The following PLEKHG1 variants were observed in gnomAD, a reference collection of about 807,000 sequenced individuals.
PLEKHG1 encodes the protein pleckstrin homology domain-containing family G member 1.
PLEKHG1 carries 44 observed loss-of-function variants against 100.8 expected under a neutral mutation model. The observed-to-expected ratio is 0.44, with a 90% CI of 0.34 to 0.56. The LOEUF is 0.56. Among genes scored for constraint, PLEKHG1 ranks in the 20% least tolerant of loss-of-function variants. The pLI, the probability that PLEKHG1 is intolerant of heterozygous loss-of-function variation, is 0.01. For synonymous variants in PLEKHG1, 640 were observed against 662.5 expected, an observed-to-expected ratio of 0.97 and a Z score of 0.52; for missense variants, 1,545 against 1,720.9, an observed-to-expected ratio of 0.90 and a Z score of 1.81.
At chr6:150,720,596 C>T (rs1781624748), upstream of PLEKHG1, among the ~76,000 whole-genome samples, 1 of 152,176 alleles carries the variant, frequency 6.6e-6, no homozygotes, top group Admixed American at 6.6e-5. Context: ...CTGCCTTCCA[C>T]TGGCTGTTAT....
intron 1 of PLEKHG1, among the ~76,000 whole-genome samples, chr6:150,609,613 T>C (rs753903383): frequency 1.3e-5 from 2 of 152,140 alleles, no homozygotes; most frequent in Non-Finnish European, 2.9e-5. Flanking sequence ...AGCTTGGCAG[T>C]GTGATGCAAA....
rs534827279 is a variant in PLEKHG1, at chr6:150,800,097, T to A, written c.630-622T>A. Among the ~76,000 whole-genome samples, 3 of 152,282 alleles carry A rather than the reference T, an allele frequency of 2.0e-5. No homozygotes were observed. In the South Asian group the frequency reaches 6.2e-4, roughly 32 times the overall value. ...CTATCTGGCTTTCCCAGAAGCTGTA[T>A]CACTTATAAGGTTAACAATTTGGAG... On this transcript the variant is annotated intron_variant, in intron 5 of 15. Coordinates refer to ENST00000358517, the Ensembl canonical transcript of PLEKHG1.
intron 3 of PLEKHG1, chr6:150,664,227 C>T (rs1779314475): frequency 6.6e-6 from 1 of 152,234 alleles, no homozygotes; most frequent in Non-Finnish European, 1.5e-5. Context: ...ACAGAAACCT[C>T]TTCACAGCCT....
At chr6:150,802,789 T>C (rs1197261798) in intron 6 of PLEKHG1, among the ~76,000 whole-genome samples, 1 of 151,588 alleles carries the variant, frequency 6.6e-6, no homozygotes, top group Non-Finnish European at 1.5e-5. Context: ...GCTTCCCGAG[T>C]AGCTGGGACT....
At chr6:150,811,697 T>G in intron 10 of PLEKHG1, among the ~76,000 whole-genome samples, 1 of 132,422 alleles carries the variant, frequency 7.6e-6, no homozygotes, top group Non-Finnish European at 1.6e-5. Context: ...GGTGCCAGGA[T>G]GGGAGGGCTG....
At chr6:150,830,892 A>G (rs763600792) in exon 15 of PLEKHG1, 7 of 1,614,168 alleles carry the variant, frequency 4.3e-6, no homozygotes, top group African/African-American at 1.3e-5. Flanking sequence ...GGACAGATGG[A>G]GTCCACAGAG....
intron 1 of PLEKHG1, among the ~76,000 whole-genome samples, chr6:150,614,925 T>G (rs1777002476): frequency 6.6e-6 from 1 of 152,222 alleles, no homozygotes. Context: ...AATCAGATTT[T>G]ATGCTATCCT....
At chr6:150,714,186 C>T (rs192430970) in intron 3 of PLEKHG1, among the ~76,000 whole-genome samples, 43 of 152,326 alleles carry the variant, frequency 2.8e-4, no homozygotes, top group Admixed American at 2.5e-3. Context: ...AGCCAGTCCT[C>T]CGATGGTGTC....
At chr6:150,612,063 T>C (rs1776868078) in intron 1 of PLEKHG1, among the ~76,000 whole-genome samples, 2 of 94,460 alleles carry the variant, frequency 2.1e-5, no homozygotes, top group African/African-American at 7.3e-5. Context: ...CCCCCCCCTT[T>C]TCTAGTTCTT....
At chr6:150,620,871 A>G (rs1361699760) in intron 1 of PLEKHG1, among the ~76,000 whole-genome samples, 1 of 152,204 alleles carries the variant, frequency 6.6e-6, no homozygotes, top group Non-Finnish European at 1.5e-5. Flanking sequence ...GAAGAATGGG[A>G]GAGAGAATGA....
chr6:150,800,869 T>C, exon 6 of PLEKHG1: 1 of 1,613,668 alleles, frequency 6.2e-7, no homozygotes, highest in African/African-American at 1.3e-5. Flanking sequence ...TCCTTCTGCA[T>C]GTAAGTTTCT....
At position 150,600,303 on chromosome 6, in the gene PLEKHG1, G is replaced by A. The variant is rs1776286800; in HGVS notation, c.-204+286G>A. On this transcript the variant is annotated intron_variant, in intron 1 of 3. Coordinates refer to the PLEKHG1 transcript ENST00000367326. The surrounding 1 kb of genome is among the most constrained non-coding windows in gnomAD (Gnocchi z 6.2). The stretch of plus-strand genomic sequence containing the variant: ...AGTCGGGTCGGGGATGCTGCCCGCC[G>A]CCGCCCCGCTTGGGGTTCCGCGCCC... Among the ~76,000 whole-genome samples the A allele has an allele frequency of 6.6e-6, 1 of 151,558 alleles. No individual in the cohort carries two copies. The highest frequency in any genetic ancestry group is 1.5e-5 in the Non-Finnish European group (1 of 67,820).
At chr6:150,671,088 CAT>C (rs10566696) in intron 3 of PLEKHG1, among the ~76,000 whole-genome samples, 74,450 of 147,268 alleles carry the variant, frequency 0.51, 18,976 homozygotes, top group African/African-American at 0.63. Flanking sequence ...AGTATTCCAT[CAT>C]ATATATATAT....
intron 14 of PLEKHG1, chr6:150,827,892 C>T: frequency 1.3e-6 from 2 of 1,523,788 alleles, no homozygotes; most frequent in Middle Eastern, 2.3e-4. Flanking sequence ...GTACAGACAG[C>T]AGAGACTGGC....
In PLEKHG1 at chr6:150,639,962, T is replaced by A. The variant is rs139154546; in HGVS notation, c.-158+1837T>A. Among the ~76,000 whole-genome samples the A allele has an allele frequency of 3.2e-3, 492 of 152,360 alleles. 3 individuals are homozygous for A. Among genetic ancestry groups the A allele is most frequent in the African/African-American group, 0.011 (475 of 41,584 alleles). On this transcript the variant is annotated intron_variant, in intron 2 of 3. Transcript: ENST00000367326. ...CCTCGGAGGTTTCTACGCAACTCTG[T>A]CATTTTGTAAATGGAAAAACCCTAA...
At chr6:150,770,570 T>TTCA (rs747138753) in intron 3 of PLEKHG1, among the ~76,000 whole-genome samples, 7 of 152,218 alleles carry the variant, frequency 4.6e-5, no homozygotes, top group Non-Finnish European at 1.0e-4. Context: ...ATCAGAATTT[T>TTCA]TCAAAGGTCT....
At chr6:150,711,939 A>G (rs1354415027) in intron 3 of PLEKHG1, among the ~76,000 whole-genome samples, 1 of 152,232 alleles carries the variant, frequency 6.6e-6, no homozygotes, top group East Asian at 1.9e-4. Context: ...AACTCAGGCC[A>G]GTATTCTGAC....
At chr6:150,770,905 G>A (rs886072849) in intron 3 of PLEKHG1, among the ~76,000 whole-genome samples, 3 of 152,138 alleles carry the variant, frequency 2.0e-5, no homozygotes, top group African/African-American at 7.2e-5. Flanking sequence ...TTTATAGAGT[G>A]CTTGCTCCAT....
At chr6:150,637,811 G>A (rs1778073732) in intron 1 of PLEKHG1, among the ~76,000 whole-genome samples, 1 of 152,120 alleles carries the variant, frequency 6.6e-6, no homozygotes, top group Non-Finnish European at 1.5e-5. Context: ...GTCTTCTCTA[G>A]CTTAGGATAT....
Sources: gnomAD v4.1 joint callset for allele counts (sites outside exome capture counted in the v4.1 genomes callset) on GRCh38, gnomAD v4.1.1 for gene constraint, Gnocchi (gnomAD v3.1) non-coding constraint, MANE v1.5 for transcripts, NCBI Gene and HGNC (gene_info 2026-07-23, HGNC 2026-07-21) for gene names.